Variants in ATP6V1E2 observed in about 807,000 individuals in gnomAD.
The protein encoded by ATP6V1E2 is V-type proton ATPase subunit E 2.
For missense variants in ATP6V1E2, 308 were observed against 273.3 expected, an observed-to-expected ratio of 1.13 and a Z score of -0.90; for synonymous variants, 121 against 104.2, an observed-to-expected ratio of 1.16 and a Z score of -0.98.
chr2:46,530,652 C>T lies in ATP6V1E2; in HGVS notation c.-102+5161G>A, dbSNP rs1478769294. On this transcript the variant is annotated intron_variant, in intron 4 of 4. Transcript: ENST00000522587. The surrounding 1 kb of genome is among the most constrained non-coding windows in gnomAD (Gnocchi z 5.2). ...CCTGATGTATTAGTTTGTTCTCACA[C>T]TGCGAATAAAGACATAACCAGGACT... Among the ~76,000 whole-genome samples the T allele has an allele frequency of 6.6e-6, 1 of 152,112 alleles. No homozygotes were observed. The highest frequency in any genetic ancestry group is 2.4e-5 in the African/African-American group (1 of 41,384).
rs1019207200 is a variant in ATP6V1E2, at chr2:46,524,145, T to C, written c.-101-11333A>G. On this transcript the variant is annotated intron_variant, in intron 4 of 4. Coordinates refer to ENST00000522587, the MANE Select transcript of ATP6V1E2 (RefSeq NM_001318063.2). ...AAGTTTTTGGGCTGAGATGATGGGG[T>C]TTTGTAAATATAAAATCATGTCGTC... Among the ~76,000 whole-genome samples the C allele has an allele frequency of 6.6e-5, 10 of 151,014 alleles. 1 individual carries two copies. The highest frequency in any genetic ancestry group is 2.2e-4 in the African/African-American group (9 of 40,378).
rs1048626224 is a variant in ATP6V1E2 at position 46,542,572 on chromosome 2, G to A, written c.-729C>T. The stretch of plus-strand genomic sequence containing the variant: ...GCAGGGCCGCGCGGCGGCAGCAGGC[G>A]GGGGCGCGTGGCGCGGGCCGCGCTC... On this transcript the variant is annotated 5_prime_UTR_variant, in exon 1 of 5. Transcript: ENST00000522587. The A allele has an allele frequency of 6.8e-6, 1 of 147,232 alleles. No homozygotes were observed. The highest frequency in any genetic ancestry group is 6.7e-5 in the Admixed American group (1 of 14,826). 9.1% of individuals were successfully genotyped at this position (147,232 alleles called of 1,614,324 possible).
At chr2:46,537,336 C>G (rs1667497188) in intron 2 of ATP6V1E2, 1 of 152,196 alleles carries the variant, frequency 6.6e-6, no homozygotes, top group African/African-American at 2.4e-5. Flanking sequence ...GACAGTAGCC[C>G]AGGCCTAAGG....
Position 46,511,880 on chromosome 2 carries a change from T to C in ATP6V1E2, c.*151A>G. On this transcript the variant is annotated 3_prime_UTR_variant, in exon 5 of 5. Coordinates refer to ENST00000522587, the MANE Select transcript of ATP6V1E2 (RefSeq NM_001318063.2). The stretch of plus-strand genomic sequence containing the variant: ...ATTAATTTGGGCTTTATTTCAAAGT[T>C]AACACTTTAGCTATCCAAAGGGTAT... 1 of 665,728 alleles carries C rather than the reference T, an allele frequency of 1.5e-6. No individual in the cohort carries two copies. The highest frequency in any genetic ancestry group is 2.3e-6 in the Non-Finnish European group (1 of 426,838). The allele number at this position is 665,728 out of a possible 1,614,324, so 41.2% of individuals were successfully genotyped here. A position where few individuals can be genotyped will look rare whatever the true frequency, so the allele number is the denominator to read the frequency against.
intron 4 of ATP6V1E2, among the ~76,000 whole-genome samples, chr2:46,526,011 A>G (rs576802638): frequency 2.0e-4 from 30 of 152,208 alleles, no homozygotes; most frequent in African/African-American, 7.2e-4. Context: ...GATTTTTTAG[A>G]GAAGTTGGAA....
Position 46,512,217 on chromosome 2 carries a change from G to A in ATP6V1E2, c.495C>T (p.Val165=). The A allele has an allele frequency of 6.2e-7, 1 of 1,614,052 alleles. No individual in the cohort carries two copies. Among genetic ancestry groups the A allele is most frequent in the Non-Finnish European group, 8.5e-7 (1 of 1,180,004 alleles). The change falls in exon 5 of 5, where the codon GTC becomes GTT. Residue 165 remains valine, a synonymous_variant. Coordinates refer to ENST00000522587, the MANE Select transcript of ATP6V1E2 (RefSeq NM_001318063.2). ...YMTISQKHVE[V]QIDKEAYLAV... ...CCAGGTATGCCTCTTTATCAATCTGGACCTCCACATGTTTCTGGGAAATTG... is the reference window on the plus strand; with the variant it reads ...CCAGGTATGCCTCTTTATCAATCTGAACCTCCACATGTTTCTGGGAAATTG...
At chr2:46,538,780 G>A (rs1667574423) in intron 2 of ATP6V1E2, among the ~76,000 whole-genome samples, 1 of 152,176 alleles carries the variant, frequency 6.6e-6, no homozygotes, top group African/African-American at 2.4e-5. Context: ...GTTAGCAAAA[G>A]AGGAGAAACT....
chr2:46,528,440 G>A (rs1667031788), intron 4 of ATP6V1E2, among the ~76,000 whole-genome samples: 1 of 152,258 alleles, frequency 6.6e-6, no homozygotes, highest in Non-Finnish European at 1.5e-5. Context: ...CTGAGAGTCT[G>A]GCTGCATGGC....
chr2:46,528,012 G>C (rs190623880), intron 4 of ATP6V1E2: 1 of 152,184 alleles, frequency 6.6e-6, no homozygotes, highest in Non-Finnish European at 1.5e-5. Flanking sequence ...AACCGTGACC[G>C]TTTGGTGGAC....
At chr2:46,527,616 T>C (rs1425118115) in intron 4 of ATP6V1E2, among the ~76,000 whole-genome samples, 1 of 152,164 alleles carries the variant, frequency 6.6e-6, no homozygotes, top group Non-Finnish European at 1.5e-5. Context: ...ATCCTCCCCT[T>C]CAGCCTCCCA....
chr2:46,541,213 G>C (rs897623910), intron 2 of ATP6V1E2, among the ~76,000 whole-genome samples, 177 bp downstream of exon 2: 2 of 152,184 alleles, frequency 1.3e-5, no homozygotes, highest in African/African-American at 4.8e-5. Flanking sequence ...TCTTGAACCA[G>C]GAACTGACCT....
Position 46,530,871 on chromosome 2 carries a change from C to T in ATP6V1E2, c.-102+4942G>A, listed in dbSNP as rs546473023. Among the ~76,000 whole-genome samples the T allele has an allele frequency of 6.6e-6, 1 of 152,178 alleles. No individual in the cohort carries two copies. Among genetic ancestry groups the T allele is most frequent in the Non-Finnish European group, 1.5e-5 (1 of 68,038 alleles). On this transcript the variant is annotated intron_variant, in intron 4 of 4. Transcript: ENST00000522587. The surrounding 1 kb of genome is among the most constrained non-coding windows in gnomAD (Gnocchi z 5.2). ...TGAGACTTATTCACTAGCGCAAGAA[C>T]AGCACAGGAAAAACCCAAGCCCATG...
At chr2:46,513,650 C>T (rs1292321265) in intron 4 of ATP6V1E2, among the ~76,000 whole-genome samples, 1 of 151,890 alleles carries the variant, frequency 6.6e-6, no homozygotes, top group Non-Finnish European at 1.5e-5. Context: ...ATGGTGAAAC[C>T]CCGTCTCTAC....
intron 4 of ATP6V1E2, among the ~76,000 whole-genome samples, chr2:46,527,404 G>A (rs1475352596): frequency 6.6e-6 from 1 of 152,098 alleles, no homozygotes; most frequent in East Asian, 1.9e-4. Flanking sequence ...TGTATTTTTA[G>A]TAGAGACAGG....
intron 4 of ATP6V1E2, among the ~76,000 whole-genome samples, chr2:46,525,461 C>CAAAAAAAAAAAAAAAAAAAA (rs57428249): frequency 1.8e-5 from 1 of 56,730 alleles, no homozygotes; most frequent in African/African-American, 6.8e-5. Context: ...GACTCCGTCT[C>CAAAAAAAAAAAAAAAAAAAA]AAAAAAAAAA....
intron 2 of ATP6V1E2, among the ~76,000 whole-genome samples, chr2:46,538,611 C>T (rs1444830470): frequency 6.6e-6 from 1 of 151,910 alleles, no homozygotes; most frequent in East Asian, 1.9e-4. Context: ...ACTCTCTGCC[C>T]TTTGTGATGG....
In ATP6V1E2 at chr2:46,511,965, C is replaced by T. The variant is rs929003549; in HGVS notation, c.*66G>A. On this transcript the variant is annotated 3_prime_UTR_variant, in exon 5 of 5. Coordinates refer to ENST00000522587, the MANE Select transcript of ATP6V1E2 (RefSeq NM_001318063.2). The stretch of plus-strand genomic sequence containing the variant: ...AAAGAGGAGGAAACACTACTAGTTT[C>T]CTTTCCCCAAAAAACTTAAACTTTT... The T allele has an allele frequency of 1.1e-5, 15 of 1,426,646 alleles. No homozygotes were observed. Among genetic ancestry groups the T allele is most frequent in the Non-Finnish European group, 1.3e-5 (14 of 1,058,364 alleles). 88.4% of individuals were successfully genotyped at this position (1,426,646 alleles called of 1,614,324 possible). A position where few individuals can be genotyped will look rare whatever the true frequency, so the allele number is the denominator to read the frequency against.
Position 46,512,356 on chromosome 2 carries a change from A to G in ATP6V1E2, c.356T>C (p.Leu119Pro), listed in dbSNP as rs1055553343. ...PEVYQGLLDK[L>P]VLQGLLRLLE... Reference sequence around the variant, plus strand: ...CAGTCGGAGCAGACCCTGGAGCACCAGTTTATCCAGCAGCCCCTGGTAGAC... The same window carrying G: ...CAGTCGGAGCAGACCCTGGAGCACCGGTTTATCCAGCAGCCCCTGGTAGAC... Residue 119 changes from leucine (L) to proline (P), a missense_variant, in exon 5 of 5, where the codon CTG becomes CCG. Leu to Pro is a moderately conservative substitution (Grantham distance 98). Transcript: ENST00000522587. 3.1e-6 allele frequency: 5 copies of G among 1,613,938 alleles called. No individual in the cohort carries two copies. Among genetic ancestry groups the G allele is most frequent in the Non-Finnish European group, 4.2e-6 (5 of 1,180,008 alleles).
chr2:46,512,698 T>C lies in ATP6V1E2; in HGVS notation c.14A>G (p.Asp5Gly), dbSNP rs1371917386. The stretch of plus-strand genomic sequence containing the variant: ...CTTAATCTGCTTTTTCACATCGACA[T>C]CACTCAGGGCCATGGCTGCTCTCAG... MALS[D>G]VDVKKQIKHM... Residue 5 changes from aspartate to glycine, a missense_variant, in exon 5 of 5, where the codon GAT (aspartate) becomes GGT (glycine). Coordinates refer to ENST00000522587, the MANE Select transcript of ATP6V1E2 (RefSeq NM_001318063.2). 3.7e-6 allele frequency: 6 copies of C among 1,612,358 alleles called. No homozygotes were observed. The highest frequency in any genetic ancestry group is 1.3e-5 in the African/African-American group (1 of 74,892).
Sources: allele counts gnomAD v4.1 joint callset (sites outside exome capture counted in the v4.1 genomes callset), GRCh38; gene constraint gnomAD v4.1.1; non-coding constraint Gnocchi (gnomAD v3.1); transcripts MANE v1.5; gene names NCBI Gene and HGNC (gene_info 2026-07-23, HGNC 2026-07-21).